NBPF10: variants seen among roughly 807,000 people sequenced by gnomAD.
NBPF10 encodes NBPF family member NBPF10.
Under a neutral mutation model 77.9 loss-of-function variants are expected in NBPF10, and 63 were observed. The ratio of observed to expected loss-of-function variants is 0.81; its 90% CI spans 0.66 to 1.00. The LOEUF is 1.00. Among genes scored for constraint, NBPF10 ranks in the 50% least tolerant of loss-of-function variants. NBPF10 has a pLI of 0.00. For missense variants in NBPF10, 522 were observed against 679.8 expected, an observed-to-expected ratio of 0.77 and a Z score of 2.58; for synonymous variants, 146 against 264.5, an observed-to-expected ratio of 0.55 and a Z score of 4.35.
chr1:146,066,785 G>C (rs1260427748), intron 89 of NBPF10, among the ~76,000 whole-genome samples: 3 of 151,982 alleles, frequency 2.0e-5, no homozygotes, highest in African/African-American at 7.3e-5. Flanking sequence ...GACAGAGACA[G>C]AGACAGAGAG....
chr1:146,139,092 CTTTTT>C (rs782186835), intron 5 of NBPF10, among the ~76,000 whole-genome samples: 21,398 of 72,518 alleles, frequency 0.3, 286 homozygotes, highest in East Asian at 0.4. Flanking sequence ...CAGAGACTTA[CTTTTT>C]TTTTTTTTTT....
chr1:146,069,225 T>A lies in NBPF10; in HGVS notation c.10810+318A>T, dbSNP rs1256826857. Among the ~76,000 whole-genome samples the A allele has an allele frequency of 3.5e-5, 3 of 85,850 alleles. 1 individual carries two copies. The highest frequency in any genetic ancestry group is 7.2e-5 in the Non-Finnish European group (3 of 41,842). The allele number at this position is 85,850 out of a possible 152,430, so 56.3% of individuals were successfully genotyped here. A position where few individuals can be genotyped will look rare whatever the true frequency, so the allele number is the denominator to read the frequency against. On this transcript the variant is annotated intron_variant, in intron 86 of 89. Transcript: ENST00000583866. ...TAGACGCTGAAATTAGAGTGAAGGATGAAATCTACAAGATCTACAAAATTG... is the reference window on the plus strand; with the variant it reads ...TAGACGCTGAAATTAGAGTGAAGGAAGAAATCTACAAGATCTACAAAATTG...
At position 146,142,741 on chromosome 1, in the gene NBPF10, A is replaced by C. The variant is rs2102234751; in HGVS notation, c.187T>G (p.Cys63Gly). Residue 63 changes from cysteine to glycine, a missense_variant, in exon 2 of 90, where the codon TGT becomes GGT. Cys to Gly is a radical substitution (Grantham distance 159). Transcript: ENST00000583866. ...AGCATAAATTTTATGAGGTCTTTAC[A>C]CTCTTCATACTCTGAAAAAAGACAG... 29 of 1,351,762 alleles carry C rather than the reference A, an allele frequency of 2.1e-5. 7 individuals are homozygous for C. The highest frequency in any genetic ancestry group is 2.9e-5 in the Non-Finnish European group (29 of 985,658). 83.7% of individuals were successfully genotyped at this position (1,351,762 alleles called of 1,614,324 possible). A position where few individuals can be genotyped will look rare whatever the true frequency, so the allele number is the denominator to read the frequency against.
At chr1:146,067,157 G>C (rs367667046) in intron 89 of NBPF10, 23 bp downstream of exon 89, 41,995 of 474,482 alleles carry the variant, frequency 0.089, 9,790 homozygotes, top group Non-Finnish European at 0.11. Context: ...CAGAACTAAG[G>C]ATCCACAATT....
At chr1:146,081,006 C>G (rs1656254779) in intron 71 of NBPF10, among the ~76,000 whole-genome samples, 3 of 80,690 alleles carry the variant, frequency 3.7e-5, no homozygotes, top group East Asian at 2.8e-4. Flanking sequence ...CACACACACA[C>G]ACACACACAC....
chr1:146,134,074 C>T (rs1659460721), intron 9 of NBPF10, 119 bp downstream of exon 9: 2 of 974,654 alleles, frequency 2.1e-6, no homozygotes, highest in Admixed American at 1.7e-5. Flanking sequence ...TTATATTTCA[C>T]ATACTGTGGC....
chr1:146,068,318 A>C (rs1655411409), intron 87 of NBPF10, 143 bp from the exon 88 acceptor site: 1 of 146,432 alleles, frequency 6.8e-6, no homozygotes, highest in Non-Finnish European at 1.2e-5. Context: ...TATTGCCTTT[A>C]TGTTGGGATA....
rs1191580475 is a variant in NBPF10, at chr1:146,142,937, T to C, written c.176-185A>G. ...TTTCTGGCATCTGATCCTCCAAAATTTAAAGACGAAAAAAGAGAAACTCAA... is the reference window on the plus strand; with the variant it reads ...TTTCTGGCATCTGATCCTCCAAAATCTAAAGACGAAAAAAGAGAAACTCAA... On this transcript the variant is annotated intron_variant, in intron 1 of 89. Transcript: ENST00000583866. 3.2e-5 allele frequency among the ~76,000 whole-genome samples: 3 copies of C among 95,064 alleles called. 1 individual carries two copies. The highest frequency in any genetic ancestry group is 5.1e-5 in the Non-Finnish European group (2 of 39,526). The allele number at this position is 95,064 out of a possible 152,430, so 62.4% of individuals were successfully genotyped here. A position where few individuals can be genotyped will look rare whatever the true frequency, so the allele number is the denominator to read the frequency against.
intron 88 of NBPF10, among the ~76,000 whole-genome samples, 153 bp from the exon 89 acceptor site, chr1:146,067,441 C>A (rs1308639891): frequency 8.4e-6 from 1 of 119,694 alleles, no homozygotes; most frequent in African/African-American, 3.4e-5. Context: ...GAAGGCTGGT[C>A]ATGATAGAAA....
intron 11 of NBPF10, among the ~76,000 whole-genome samples, chr1:146,129,378 T>C (rs1414551663): frequency 7.6e-6 from 1 of 131,620 alleles, no homozygotes; most frequent in Non-Finnish European, 1.6e-5. Context: ...TTCGATCAAG[T>C]GCAAGAAATG....
chr1:146,073,161 AG>A lies in NBPF10; in HGVS notation c.10131-261del, dbSNP rs1655830484. 3.1e-5 allele frequency among the ~76,000 whole-genome samples: 2 copies of A among 64,370 alleles called. 1 individual carries two copies. The highest frequency in any genetic ancestry group is 3.5e-4 in the Admixed American group (2 of 5,738). The allele number at this position is 64,370 out of a possible 152,430, so 42.2% of individuals were successfully genotyped here. ...AATTGGCCGGGTGACACACTGATGA[AG>A]GGGTCAAAGGACACTCTGAGTTAGT... On this transcript the variant is annotated intron_variant, in intron 81 of 89. Transcript: ENST00000583866.
At chr1:146,143,637 A>C (rs587654886) in intron 1 of NBPF10, among the ~76,000 whole-genome samples, 1 of 121,924 alleles carries the variant, frequency 8.2e-6, no homozygotes, top group Admixed American at 8.9e-5. Flanking sequence ...GCTTCCACAC[A>C]TTCTCCGGTG....
At chr1:146,067,781 C>G (rs369727078) in intron 88 of NBPF10, among the ~76,000 whole-genome samples, 82 of 151,682 alleles carry the variant, frequency 5.4e-4, no homozygotes, top group Non-Finnish European at 9.4e-4. Flanking sequence ...ATCAGGGCGC[C>G]ACAGGTATGG....
exon 14 of NBPF10, chr1:146,126,274 A>G (rs782551909): frequency 6.2e-7 from 1 of 1,607,970 alleles, no homozygotes; most frequent in Non-Finnish European, 8.5e-7. Context: ...CTGTTGCTCC[A>G]ATATGTAAAA....
intron 5 of NBPF10, among the ~76,000 whole-genome samples, chr1:146,138,825 C>T (rs3961876): frequency 0.11 from 10,380 of 97,320 alleles, 19 homozygotes; most frequent in East Asian, 0.15. Flanking sequence ...CACTCTGTCA[C>T]GCAGGCTGCA....
Position 146,069,627 on chromosome 1 carries a change from C to A in NBPF10, c.10726G>T (p.Glu3576Ter), listed in dbSNP as rs782681149. The change falls in exon 86 of 90, where the codon GAA becomes TAA. Residue 3576 changes from glutamate to a stop codon, truncating the protein, a stop_gained. Coordinates refer to ENST00000583866, the Ensembl canonical transcript of NBPF10. LOFTEE classifies it high-confidence loss of function. Reference sequence around the variant, plus strand: ...TAGGGCTGGCATGAGTCACACAGTTCAAGACAACCTGAAGGAGTTGAATAA... The same window carrying A: ...TAGGGCTGGCATGAGTCACACAGTTAAAGACAACCTGAAGGAGTTGAATAA... The A allele has an allele frequency of 1.0e-3, 1,580 of 1,570,526 alleles. 16 individuals are homozygous for A. Among genetic ancestry groups the A allele is most frequent in the Admixed American group, 1.2e-3 (69 of 56,260 alleles).
rs587604047 is a variant in NBPF10 at position 146,141,830 on chromosome 1, C to G, written c.279-12G>C. ...GGACTTTATATTGCCTAAGGTGAGA[C>G]GGTAGAGAAAATTTAAGAGTAGAAA... On this transcript the variant is annotated splice_polypyrimidine_tract_variant and intron_variant, in intron 2 of 89. Coordinates refer to ENST00000583866, the Ensembl canonical transcript of NBPF10. 46 of 1,319,990 alleles carry G rather than the reference C, an allele frequency of 3.5e-5. 2 individuals are homozygous for G. In the African/African-American group the frequency reaches 6.3e-4, roughly 18 times the overall value. 81.8% of individuals were successfully genotyped at this position (1,319,990 alleles called of 1,614,324 possible). A position where few individuals can be genotyped will look rare whatever the true frequency, so the allele number is the denominator to read the frequency against.
rs1294618762 is a variant in NBPF10 at position 146,085,844 on chromosome 1, C to T, written c.8159+320G>A. On this transcript the variant is annotated intron_variant, in intron 65 of 89. Coordinates refer to ENST00000583866, the Ensembl canonical transcript of NBPF10. Reference sequence around the variant, plus strand: ...GTAACAGGACACTCTGAGTTAGTGCCCTCAGGACACACAGCATACAGGGAT... The same window carrying T: ...GTAACAGGACACTCTGAGTTAGTGCTCTCAGGACACACAGCATACAGGGAT... 6.1e-4 allele frequency among the ~76,000 whole-genome samples: 6 copies of T among 9,820 alleles called. 1 individual carries two copies. The highest frequency in any genetic ancestry group is 1.1e-3 in the Non-Finnish European group (6 of 5,452). The allele number at this position is 9,820 out of a possible 152,430, so 6.4% of individuals were successfully genotyped here.
chr1:146,076,283 A>G (rs1656039809), intron 77 of NBPF10, among the ~76,000 whole-genome samples: 2 of 12,202 alleles, frequency 1.6e-4, no homozygotes, highest in African/African-American at 3.0e-4. Context: ...ACACACACAC[A>G]CACACACACA....
Sources: allele counts gnomAD v4.1 joint callset (sites outside exome capture counted in the v4.1 genomes callset), GRCh38; gene constraint gnomAD v4.1.1; transcripts MANE v1.5; gene names NCBI Gene and HGNC (gene_info 2026-07-23, HGNC 2026-07-21).